PTPRD: variants seen among roughly 807,000 people sequenced by gnomAD.
The protein encoded by PTPRD is receptor-type tyrosine-protein phosphatase delta.
In PTPRD, 34 loss-of-function variants were observed where a neutral mutation model predicts 214.5. The observed-to-expected ratio is 0.16, with a 90% CI of 0.12 to 0.21. The LOEUF is 0.21. PTPRD is among the 10% of genes least tolerant of loss of function. PTPRD has a pLI of 1.00. For missense variants in PTPRD, 2,545 were observed against 2,398.7 expected, an observed-to-expected ratio of 1.06 and a Z score of -1.27; for synonymous variants, 1,128 against 845.7, an observed-to-expected ratio of 1.33 and a Z score of -5.79.
At chr9:8,501,860 C>T (rs1008615014) in intron 23 of PTPRD, among the ~76,000 whole-genome samples, 1 of 152,092 alleles carries the variant, frequency 6.6e-6, no homozygotes, top group African/African-American at 2.4e-5. Context: ...CTTGAGACAC[C>T]ATTGCTAGTG....
intron 10 of PTPRD, among the ~76,000 whole-genome samples, chr9:9,101,653 T>A (rs547911570): frequency 2.0e-5 from 3 of 152,300 alleles, no homozygotes; most frequent in African/African-American, 7.2e-5. Context: ...CATGTCATTA[T>A]CCACAGACAA....
chr9:8,385,042 T>C (rs987228152), intron 37 of PTPRD, among the ~76,000 whole-genome samples: 4 of 152,200 alleles, frequency 2.6e-5, no homozygotes, highest in East Asian at 3.9e-4. Context: ...TCCTAAGTCA[T>C]AGTTCACACT....
intron 39 of PTPRD, among the ~76,000 whole-genome samples, chr9:8,345,445 G>C (rs12684395): frequency 6.6e-6 from 1 of 152,046 alleles, no homozygotes; most frequent in African/African-American, 2.4e-5. Context: ...CTTTCCTGTA[G>C]AGCGCTCGTC....
intron 3 of PTPRD, among the ~76,000 whole-genome samples, chr9:10,150,581 C>G (rs2099054194): frequency 6.6e-6 from 1 of 151,238 alleles, no homozygotes; most frequent in African/African-American, 2.4e-5. Flanking sequence ...TAATGTGCAG[C>G]ACACCAGCAC....
rs533043707 is a variant in PTPRD at position 9,883,740 on chromosome 9, A to G, written c.-368+54767T>C. 5.3e-5 allele frequency among the ~76,000 whole-genome samples: 8 copies of G among 152,250 alleles called. No individual in the cohort carries two copies. In the South Asian group the frequency reaches 8.3e-4, roughly 16 times the overall value. The stretch of plus-strand genomic sequence containing the variant: ...TTATTACCAGTATTAAAATAGACAT[A>G]TTTATCATTTAGCCGTATACTGTGA... On this transcript the variant is annotated intron_variant, in intron 5 of 45. Coordinates refer to ENST00000381196, the MANE Select transcript of PTPRD (RefSeq NM_002839.4).
chr9:10,393,240 C>T (rs1565746416), intron 2 of PTPRD, among the ~76,000 whole-genome samples: 1 of 151,606 alleles, frequency 6.6e-6, no homozygotes, highest in African/African-American at 2.4e-5. Context: ...AATATAATCA[C>T]TAGTAAAAAA....
In PTPRD at chr9:8,349,422, A is replaced by C. The variant is rs1564164345; in HGVS notation, c.4662-7444T>G. ...ACCCATCAGTATCTGAGTGCAGTGC[A>C]CCTCTCAAAATGAAGGATTGTACTT... On this transcript the variant is annotated intron_variant, in intron 39 of 45. Transcript: ENST00000381196. 2.6e-5 allele frequency among the ~76,000 whole-genome samples: 4 copies of C among 152,168 alleles called. No individual in the cohort carries two copies. The South Asian group carries it at 8.3e-4, about 32-fold the overall frequency.
At position 10,211,932 on chromosome 9, in the gene PTPRD, G is replaced by T. The variant is rs529953490; in HGVS notation, c.-545+129031C>A. ...ATGCTCATGTAACAAAACTGCACTT[G>T]TACTCCTTAAATGTATACAACATTT... On this transcript the variant is annotated intron_variant, in intron 3 of 45. Transcript: ENST00000381196. 1.2e-4 allele frequency among the ~76,000 whole-genome samples: 19 copies of T among 152,230 alleles called. No individual in the cohort carries two copies. The South Asian group carries it at 2.3e-3, about 18-fold the overall frequency.
intron 3 of PTPRD, among the ~76,000 whole-genome samples, chr9:10,184,636 C>T (rs548975189): frequency 4.6e-5 from 7 of 152,124 alleles, no homozygotes; most frequent in Non-Finnish European, 8.8e-5. Flanking sequence ...ATTATGCCCA[C>T]CTCTTTCCCT....
intron 2 of PTPRD, among the ~76,000 whole-genome samples, chr9:10,508,104 A>G (rs540480925): frequency 9.2e-5 from 14 of 152,342 alleles, no homozygotes; most frequent in African/African-American, 3.4e-4. Context: ...AATTTACGAG[A>G]AGTAAACAAC....
rs968799240 is a variant in PTPRD at position 9,450,209 on chromosome 9, A to G, written c.-236-52727T>C. ...TGGTTCCATATTTTTGCAATTGCTA[A>G]TTTTGCTGCTATAAACCTGCATGTG... On this transcript the variant is annotated intron_variant, in intron 8 of 45. Coordinates refer to ENST00000381196, the MANE Select transcript of PTPRD (RefSeq NM_002839.4). 5.3e-5 allele frequency among the ~76,000 whole-genome samples: 8 copies of G among 151,326 alleles called. No homozygotes were observed. In the Admixed American group the frequency reaches 5.3e-4, roughly 10 times the overall value.
intron 11 of PTPRD, among the ~76,000 whole-genome samples, chr9:8,783,907 T>A (rs1047063571): frequency 6.6e-6 from 1 of 152,210 alleles, no homozygotes; most frequent in Non-Finnish European, 1.5e-5. Context: ...TTCAGTGCTA[T>A]ACATCCTAAC....
chr9:8,776,800 T>C (rs2095495807), intron 11 of PTPRD, among the ~76,000 whole-genome samples: 1 of 147,466 alleles, frequency 6.8e-6, no homozygotes. Context: ...ATTATATATA[T>C]ATTATATATG....
intron 2 of PTPRD, among the ~76,000 whole-genome samples, chr9:10,556,187 G>A (rs573517924): frequency 1.3e-5 from 2 of 151,934 alleles, no homozygotes; most frequent in East Asian, 3.9e-4. Flanking sequence ...ACAAAAAATA[G>A]GACTGATCTA....
At chr9:8,888,379 A>G (rs142601625) in intron 11 of PTPRD, among the ~76,000 whole-genome samples, 9 of 152,342 alleles carry the variant, frequency 5.9e-5, no homozygotes, top group African/African-American at 2.2e-4. Flanking sequence ...TACCAGATAT[A>G]CCTTCACCCA....
At chr9:10,262,734 G>A (rs1473017713) in intron 3 of PTPRD, among the ~76,000 whole-genome samples, 2 of 152,162 alleles carry the variant, frequency 1.3e-5, no homozygotes, top group Non-Finnish European at 2.9e-5. Flanking sequence ...AGCCAAAGGT[G>A]ATAGATTTTC....
intron 4 of PTPRD, among the ~76,000 whole-genome samples, chr9:9,953,185 A>G (rs1041280086): frequency 1.3e-5 from 2 of 152,148 alleles, no homozygotes; most frequent in African/African-American, 4.8e-5. Flanking sequence ...GTGTGCAGAT[A>G]TGTGGTTAAC....
chr9:8,759,294 T>G (rs2094245961), intron 11 of PTPRD, among the ~76,000 whole-genome samples: 1 of 152,132 alleles, frequency 6.6e-6, no homozygotes, highest in Non-Finnish European at 1.5e-5. Context: ...TCAAGTGATC[T>G]TCCTGCCTTG....
At chr9:9,625,672 A>T (rs757719944) in intron 7 of PTPRD, among the ~76,000 whole-genome samples, 1 of 152,088 alleles carries the variant, frequency 6.6e-6, no homozygotes, top group Non-Finnish European at 1.5e-5. Flanking sequence ...AACTACGGGA[A>T]ATCTCTTAGG....
Sources: gnomAD v4.1 joint callset for allele counts (sites outside exome capture counted in the v4.1 genomes callset) on GRCh38, gnomAD v4.1.1 for gene constraint, MANE v1.5 for transcripts, NCBI Gene and HGNC (gene_info 2026-07-23, HGNC 2026-07-21) for gene names.